Variants in HS3ST4 observed in about 807,000 individuals in gnomAD.
HS3ST4 encodes heparan sulfate glucosamine 3-O-sulfotransferase 4.
Under a neutral mutation model 29.2 loss-of-function variants are expected in HS3ST4, and 17 were observed. The observed-to-expected ratio is 0.58, with a 90% CI of 0.40 to 0.87. The LOEUF (loss-of-function observed/expected upper bound fraction) is 0.87. HS3ST4 is among the 40% of genes least tolerant of loss of function. HS3ST4 has a pLI of 0.00. For missense variants in HS3ST4, 627 were observed against 634.5 expected (o/e 0.99, Z 0.13); for synonymous variants, 314 against 285.7 (o/e 1.10, Z -1.00).
chr16:25,977,424 C>T (rs1968954749), intron 1 of HS3ST4, among the ~76,000 whole-genome samples: 1 of 152,170 alleles, frequency 6.6e-6, no homozygotes, highest in Non-Finnish European at 1.5e-5. Context: ...TCTAAATTCT[C>T]ATCACACCTA....
In HS3ST4 at chr16:25,715,149, C is replaced by T. The variant is rs546726670; in HGVS notation, c.734+21998C>T. Among the ~76,000 whole-genome samples, 51 of 151,650 alleles carry T rather than the reference C, an allele frequency of 3.4e-4. No homozygotes were observed. The South Asian group carries it at 7.7e-3, about 23-fold the overall frequency. On this transcript the variant is annotated intron_variant, in intron 1 of 1. Transcript: ENST00000331351. ...CATCCTGGCTAACAAGGTGAAACCC[C>T]GTCTCTACTAAAAATACAAAAAATT...
intron 1 of HS3ST4, among the ~76,000 whole-genome samples, chr16:25,937,935 A>C (rs1169355860): frequency 1.3e-5 from 2 of 152,118 alleles, no homozygotes; most frequent in African/African-American, 4.8e-5. Flanking sequence ...TGTTGGTGGA[A>C]ATGGGTGGTG....
At chr16:25,900,728 A>G (rs545595941) in intron 1 of HS3ST4, among the ~76,000 whole-genome samples, 2 of 152,286 alleles carry the variant, frequency 1.3e-5, no homozygotes, top group East Asian at 1.9e-4. Context: ...CTGGCTGGAT[A>G]GATTGCTGGA....
chr16:25,999,884 A>ATATATATATTTTATATATATTT (rs1969196186), intron 1 of HS3ST4, among the ~76,000 whole-genome samples: 1 of 121,392 alleles, frequency 8.2e-6, no homozygotes, highest in Non-Finnish European at 1.7e-5. Context: ...TATATATATT[A>ATATATATATTTTATATATATTT]TATATATATA....
At chr16:26,025,680 A>T (rs1378800686) in intron 1 of HS3ST4, among the ~76,000 whole-genome samples, 1 of 152,252 alleles carries the variant, frequency 6.6e-6, no homozygotes, top group Non-Finnish European at 1.5e-5. Context: ...ACATTGATTG[A>T]TGTCACATCA....
intron 1 of HS3ST4, among the ~76,000 whole-genome samples, chr16:26,112,033 C>T (rs1899137944): frequency 7.5e-6 from 1 of 133,866 alleles, no homozygotes; most frequent in Non-Finnish European, 1.7e-5. Context: ...AAAAAAAATT[C>T]TCTTTTGAGC....
At chr16:25,836,407 C>G (rs1967357001) in intron 1 of HS3ST4, among the ~76,000 whole-genome samples, 2 of 152,138 alleles carry the variant, frequency 1.3e-5, no homozygotes, top group African/African-American at 4.8e-5. Context: ...CTGACATCTC[C>G]CAATGGGTAA....
intron 1 of HS3ST4, among the ~76,000 whole-genome samples, chr16:25,918,801 G>A (rs539913898): frequency 1.6e-4 from 24 of 152,174 alleles, no homozygotes; most frequent in South Asian, 6.2e-4. Context: ...CCAAGACTCC[G>A]TCTCAAAAAA....
chr16:25,701,325 T>A (rs1966333313), intron 1 of HS3ST4, among the ~76,000 whole-genome samples: 1 of 152,210 alleles, frequency 6.6e-6, no homozygotes, highest in African/African-American at 2.4e-5. Context: ...TGTGTGGGAT[T>A]CTAATCAGGC....
Position 26,117,289 on chromosome 16 carries a change from C to T in HS3ST4, c.735-18323C>T, listed in dbSNP as rs115025968. ...CCACAACCATAAATGAACCAGCACA[C>T]TCAACTTATTTTTTCCCTGGAGAAT... is the stretch of plus-strand genomic sequence containing the variant. On this transcript the variant is annotated intron_variant, in intron 1 of 1. Transcript: ENST00000331351. Among the ~76,000 whole-genome samples, 220 of 152,314 alleles carry T rather than the reference C, an allele frequency of 1.4e-3. 1 individual carries two copies. Among genetic ancestry groups the T allele is most frequent in the African/African-American group, 4.9e-3 (203 of 41,582 alleles).
chr16:25,932,787 C>T (rs1968478152), intron 1 of HS3ST4, among the ~76,000 whole-genome samples: 1 of 152,208 alleles, frequency 6.6e-6, no homozygotes. Flanking sequence ...GAAAGGACTT[C>T]TTCCAGGCAA....
chr16:26,135,368 T>G (rs1898267389), intron 1 of HS3ST4, among the ~76,000 whole-genome samples: 1 of 152,166 alleles, frequency 6.6e-6, no homozygotes, highest in Non-Finnish European at 1.5e-5. Flanking sequence ...AGAGGTAGAA[T>G]AGCCATTTAA....
intron 1 of HS3ST4, among the ~76,000 whole-genome samples, chr16:25,832,477 G>A (rs1967314339): frequency 6.6e-6 from 1 of 152,164 alleles, no homozygotes; most frequent in South Asian, 2.1e-4. Context: ...TTTCCCTGTA[G>A]TTTTGCTGAC....
intron 1 of HS3ST4, among the ~76,000 whole-genome samples, chr16:25,701,962 G>T (rs1264980240): frequency 7.2e-5 from 11 of 152,156 alleles, no homozygotes. Flanking sequence ...CTTATAAAAA[G>T]AAATATCTAT....
intron 1 of HS3ST4, among the ~76,000 whole-genome samples, chr16:25,722,570 C>A (rs973132913): frequency 6.6e-6 from 1 of 152,184 alleles, no homozygotes; most frequent in African/African-American, 2.4e-5. Flanking sequence ...TGGGAAAGGT[C>A]ACAATATTTT....
intron 1 of HS3ST4, among the ~76,000 whole-genome samples, chr16:25,799,477 C>A (rs1275926202): frequency 6.6e-6 from 1 of 152,092 alleles, no homozygotes; most frequent in Non-Finnish European, 1.5e-5. Flanking sequence ...ATTTTATGAC[C>A]CAGTTGTTAA....
intron 1 of HS3ST4, among the ~76,000 whole-genome samples, chr16:25,858,665 C>T (rs993944263): frequency 2.6e-5 from 4 of 151,940 alleles, no homozygotes; most frequent in East Asian, 1.9e-4. Context: ...ACAGCATTTC[C>T]AATATTTTCA....
chr16:25,953,445 T>C (rs1361861615), intron 1 of HS3ST4, among the ~76,000 whole-genome samples: 1 of 152,194 alleles, frequency 6.6e-6, no homozygotes, highest in Non-Finnish European at 1.5e-5. Context: ...GAATAAGAAC[T>C]ACATCTTCTA....
intron 1 of HS3ST4, among the ~76,000 whole-genome samples, chr16:25,812,887 G>C (rs74014109): frequency 0.054 from 8,241 of 152,106 alleles, 351 homozygotes; most frequent in East Asian, 0.1. Flanking sequence ...AAATTGTTAA[G>C]CAGGATTCCC....
Sources: allele counts gnomAD v4.1 joint callset (sites outside exome capture counted in the v4.1 genomes callset), GRCh38; gene constraint gnomAD v4.1.1; transcripts MANE v1.5; gene names NCBI Gene and HGNC (gene_info 2026-07-23, HGNC 2026-07-21).